Variants in TMOD3 observed in about 807,000 individuals in gnomAD.
The protein encoded by TMOD3 is tropomodulin-3.
Under a neutral mutation model 39.2 loss-of-function variants are expected in TMOD3, and 20 were observed. The ratio of observed to expected loss-of-function variants is 0.51; its 90% CI spans 0.36 to 0.74. The LOEUF (loss-of-function observed/expected upper bound fraction) is 0.74. Ranked by LOEUF, TMOD3 falls within the 30% of genes least tolerant of loss-of-function variation. The probability of loss-of-function intolerance (pLI) is 0.00; values close to 1 mark genes in which losing one functional copy is unlikely to be tolerated. For synonymous variants in TMOD3, 143 were observed against 145.8 expected, an observed-to-expected ratio of 0.98 and a Z score of 0.14; for missense variants, 381 against 412.8, an observed-to-expected ratio of 0.92 and a Z score of 0.67.
At chr15:51,884,871 G>T (rs1046574062) in intron 3 of TMOD3, among the ~76,000 whole-genome samples, 1 of 152,160 alleles carries the variant, frequency 6.6e-6, no homozygotes, top group African/African-American at 2.4e-5. Flanking sequence ...CTTCCTGTGG[G>T]CTTATTAAGT....
chr15:51,859,208 A>G, intron 1 of TMOD3: 1 of 737,260 alleles, frequency 1.4e-6, no homozygotes, highest in Non-Finnish European at 2.5e-6. Flanking sequence ...TCTGATACAT[A>G]GCATGTTTAG....
intron 1 of TMOD3, chr15:51,860,910 T>C (rs1380098707): frequency 2.4e-5 from 10 of 425,368 alleles, no homozygotes; most frequent in Non-Finnish European, 4.6e-5. Context: ...CACTCCAGCC[T>C]AGGCGACAGA....
chr15:51,911,466 C>T lies in TMOD3; in HGVS notation c.*2656C>T, dbSNP rs1302893473. The T allele has an allele frequency of 6.6e-6, 1 of 152,058 alleles. No individual in the cohort carries two copies. The highest frequency in any genetic ancestry group is 6.6e-5 in the Admixed American group (1 of 15,258). The allele number at this position is 152,058 out of a possible 1,614,324, so 9.4% of individuals were successfully genotyped here. A position where few individuals can be genotyped will look rare whatever the true frequency, so the allele number is the denominator to read the frequency against. ...TAAGGGAGAAAAATCGGGTTTACTT[C>T]AATCTTTAAAAATCTGGCACCTCTT... On this transcript the variant is annotated 3_prime_UTR_variant, in exon 10 of 10. Transcript: ENST00000308580.
intron 3 of TMOD3, among the ~76,000 whole-genome samples, chr15:51,880,873 T>C (rs1043545219): frequency 2.0e-5 from 3 of 152,168 alleles, no homozygotes; most frequent in African/African-American, 7.2e-5. Context: ...GGTAACTATT[T>C]TTTAACAAAT....
At chr15:51,882,911 C>T (rs1417855624) in intron 3 of TMOD3, among the ~76,000 whole-genome samples, 1 of 152,100 alleles carries the variant, frequency 6.6e-6, no homozygotes, top group African/African-American at 2.4e-5. Context: ...TAATGCTAAA[C>T]TTAGGTCCTT....
chr15:51,879,886 A>G (rs76004477), intron 3 of TMOD3, among the ~76,000 whole-genome samples: 2 of 151,592 alleles, frequency 1.3e-5, no homozygotes, highest in African/African-American at 4.9e-5. Context: ...ACACACACAC[A>G]CACGAAGAAG....
rs938531074 is a variant in TMOD3, at chr15:51,902,132, G to A, written c.1024+96G>A. On this transcript the variant is annotated intron_variant, in intron 9 of 9. Coordinates refer to ENST00000308580, the MANE Select transcript of TMOD3 (RefSeq NM_014547.5). Reference sequence around the variant, plus strand: ...CTTAAGAATAAATTCTAACAGAGAAGTTATTTGGCCTTTGTTTCTAAAATC... The same window carrying A: ...CTTAAGAATAAATTCTAACAGAGAAATTATTTGGCCTTTGTTTCTAAAATC... The A allele has an allele frequency of 3.1e-5, 45 of 1,435,510 alleles. No individual in the cohort carries two copies. The East Asian group carries it at 9.5e-4, about 30-fold the overall frequency. 88.9% of individuals were successfully genotyped at this position (1,435,510 alleles called of 1,614,324 possible).
At chr15:51,885,931 C>A (rs145041710) in intron 3 of TMOD3, among the ~76,000 whole-genome samples, 2 of 148,854 alleles carry the variant, frequency 1.3e-5, no homozygotes, top group Non-Finnish European at 3.0e-5. Flanking sequence ...CCCCACCTCC[C>A]TCCCGGACAG....
chr15:51,838,834 C>T (rs548947034), intron 1 of TMOD3, among the ~76,000 whole-genome samples: 1 of 152,210 alleles, frequency 6.6e-6, no homozygotes, highest in South Asian at 2.1e-4. Flanking sequence ...TGCCTCCAGA[C>T]TTGGTGATAC....
intron 1 of TMOD3, among the ~76,000 whole-genome samples, chr15:51,838,508 C>A (rs138402982): frequency 2.4e-4 from 36 of 152,118 alleles, no homozygotes; most frequent in African/African-American, 8.7e-4. Context: ...AATGACCTAC[C>A]ACTGGTACCC....
intron 6 of TMOD3, among the ~76,000 whole-genome samples, chr15:51,895,000 T>G (rs1403799255): frequency 6.6e-6 from 1 of 152,158 alleles, no homozygotes; most frequent in East Asian, 1.9e-4. Flanking sequence ...AAAAGTAAAC[T>G]CAAATTATCT....
chr15:51,847,864 C>T (rs780892485), intron 1 of TMOD3, among the ~76,000 whole-genome samples: 2 of 152,130 alleles, frequency 1.3e-5, no homozygotes, highest in Non-Finnish European at 2.9e-5. Context: ...GGTATTGCTA[C>T]GGTTTGAATG....
intron 3 of TMOD3, among the ~76,000 whole-genome samples, chr15:51,869,605 A>G (rs1165006188): frequency 1.3e-5 from 2 of 152,228 alleles, no homozygotes; most frequent in Non-Finnish European, 2.9e-5. Flanking sequence ...ATGATTTTGA[A>G]TAACATTCTT....
At chr15:51,833,207 G>C (rs555613037) in intron 1 of TMOD3, 5 of 152,266 alleles carry the variant, frequency 3.3e-5, no homozygotes, top group African/African-American at 1.2e-4. Context: ...TTATCTATAT[G>C]TGTCTGTAAT....
intron 7 of TMOD3, among the ~76,000 whole-genome samples, chr15:51,897,232 A>AAT (rs1320589091): frequency 6.6e-6 from 1 of 152,032 alleles, no homozygotes; most frequent in East Asian, 1.9e-4. Flanking sequence ...TAATCTCAGA[A>AAT]ATATATATAT....
At chr15:51,867,132 G>A (rs2141687803) in intron 2 of TMOD3, among the ~76,000 whole-genome samples, 1 of 152,262 alleles carries the variant, frequency 6.6e-6, no homozygotes, top group South Asian at 2.1e-4. Flanking sequence ...GTGAGATGAG[G>A]CTAGGGTGAC....
intron 2 of TMOD3, 41 bp from the exon 3 acceptor site, chr15:51,869,176 A>G: frequency 4.4e-6 from 7 of 1,599,644 alleles, no homozygotes; most frequent in Non-Finnish European, 5.1e-6. Context: ...TAGCATTAGC[A>G]TTCTTATTGG....
At chr15:51,870,352 GT>G (rs1337229013) in intron 3 of TMOD3, among the ~76,000 whole-genome samples, 2 of 152,158 alleles carry the variant, frequency 1.3e-5, no homozygotes, top group Non-Finnish European at 2.9e-5. Context: ...CAAATTCTAC[GT>G]TCACTCTTAC....
chr15:51,859,672 C>T (rs1027323358), intron 1 of TMOD3: 16 of 489,836 alleles, frequency 3.3e-5, no homozygotes, highest in Non-Finnish European at 5.6e-5. Flanking sequence ...GTAGACAAAC[C>T]TGGAGTTTCA....
Sources: allele counts gnomAD v4.1 joint callset (sites outside exome capture counted in the v4.1 genomes callset), GRCh38; gene constraint gnomAD v4.1.1; transcripts MANE v1.5; gene names NCBI Gene and HGNC (gene_info 2026-07-23, HGNC 2026-07-21).